The following CHLSN variants were observed in gnomAD, a reference collection of about 807,000 sequenced individuals.
CHLSN encodes protein cholesin.
chr7:1,092,197 A>G, the CHLSN span: 1 of 1,613,164 alleles, frequency 6.2e-7, no homozygotes, highest in Admixed American at 1.7e-5. Flanking sequence ...CGACCGCTAC[A>G]TCGCCCTGGC....
the CHLSN span, chr7:1,058,001 G>A: frequency 7.4e-5 from 57 of 770,070 alleles, no homozygotes; most frequent in East Asian, 5.8e-4. Flanking sequence ...GCTTCTCCTC[G>A]CTGCTCTTCT....
At chr7:1,115,874 G>A in the CHLSN span, among the ~76,000 whole-genome samples, 2 of 102,658 alleles carry the variant, frequency 1.9e-5, no homozygotes, top group African/African-American at 3.8e-5. Context: ...CATCACTACA[G>A]CTCTAGGACC....
the CHLSN span, among the ~76,000 whole-genome samples, chr7:1,094,332 G>A: frequency 1.3e-5 from 2 of 152,246 alleles, no homozygotes; most frequent in African/African-American, 2.4e-5. Context: ...ACAGAAACCT[G>A]CGCAGGGCGT....
chr7:1,077,241 C>T, the CHLSN span, among the ~76,000 whole-genome samples: 9 of 152,174 alleles, frequency 5.9e-5, no homozygotes, highest in South Asian at 1.2e-3. Flanking sequence ...CCGCAAGCTC[C>T]GCCTCCCGGG....
chr7:1,094,133 C>T, the CHLSN span, among the ~76,000 whole-genome samples: 1 of 152,246 alleles, frequency 6.6e-6, no homozygotes, highest in Non-Finnish European at 1.5e-5. Context: ...CGGCCGCGTG[C>T]GAGGCCCAAG....
the CHLSN span, chr7:1,000,638 C>T: frequency 1.8e-6 from 2 of 1,093,916 alleles, no homozygotes; most frequent in Admixed American, 2.1e-5. Flanking sequence ...GACGCCTCAT[C>T]TTAGGAGAGG....
At chr7:1,025,047 T>C in the CHLSN span, 1 of 152,058 alleles carries the variant, frequency 6.6e-6, no homozygotes, top group African/African-American at 2.4e-5. Context: ...ATGCGGCAAA[T>C]GCGCCCCCTT....
At chr7:1,041,337 G>C in the CHLSN span, among the ~76,000 whole-genome samples, 2,166 of 48,092 alleles carry the variant, frequency 0.045, 210 homozygotes, top group African/African-American at 0.1. Context: ...GGGGCCTGGG[G>C]TCCGCGCTGC....
the CHLSN span, among the ~76,000 whole-genome samples, chr7:978,999 G>A: frequency 1.8e-4 from 28 of 152,256 alleles, no homozygotes; most frequent in Middle Eastern, 3.4e-3. Context: ...CCTCCACATG[G>A]GCCCCTCTAC....
chr7:1,051,290 T>G, the CHLSN span, among the ~76,000 whole-genome samples: 1 of 152,244 alleles, frequency 6.6e-6, no homozygotes, highest in Admixed American at 6.5e-5. Flanking sequence ...GTCTCAGCTC[T>G]CTAGGGTGCA....
the CHLSN span, among the ~76,000 whole-genome samples, chr7:1,016,489 AGCAGCGCACAGCAGCAC>A: frequency 7.3e-6 from 1 of 136,738 alleles, no homozygotes; most frequent in East Asian, 2.3e-4. Context: ...AGCAGCACAC[AGCAGCGCACAGCAGCAC>A]AGCAGCGCAC....
the CHLSN span, chr7:1,021,406 G>A: frequency 4.1e-6 from 4 of 985,358 alleles, no homozygotes; most frequent in African/African-American, 3.5e-5. Flanking sequence ...AACCAGAGTC[G>A]GAAGCTGAAG....
the CHLSN span, among the ~76,000 whole-genome samples, chr7:1,070,825 A>ACACATGCG: frequency 6.8e-6 from 1 of 147,318 alleles, no homozygotes; most frequent in Admixed American, 6.7e-5. Flanking sequence ...CCACACGTGC[A>ACACATGCG]CACATATACA....
the CHLSN span, among the ~76,000 whole-genome samples, chr7:1,097,418 G>C: frequency 6.6e-6 from 1 of 152,184 alleles, no homozygotes; most frequent in East Asian, 1.9e-4. This position sits in a 1 kb window ranked among gnomAD's most constrained non-coding sequence, Gnocchi z 4.3. Context: ...AGTAAGAAGA[G>C]ACAATCGTGA....
At chr7:1,044,413 A>G in the CHLSN span, among the ~76,000 whole-genome samples, 13 of 152,156 alleles carry the variant, frequency 8.5e-5, no homozygotes, top group Non-Finnish European at 1.9e-4. Context: ...ACCGCCCCCC[A>G]ACCTCACTGG....
chr7:1,095,175 G>A, the CHLSN span, among the ~76,000 whole-genome samples: 7 of 152,100 alleles, frequency 4.6e-5, no homozygotes, highest in East Asian at 1.9e-4. Context: ...ACTGACATCC[G>A]TGCTCTGGAG....
chr7:1,016,430 C>A, the CHLSN span, among the ~76,000 whole-genome samples: 1 of 133,554 alleles, frequency 7.5e-6, no homozygotes, highest in Admixed American at 7.5e-5. Flanking sequence ...CGCCAGCACA[C>A]AGCAGCGCAC....
the CHLSN span, among the ~76,000 whole-genome samples, chr7:1,133,410 A>C: frequency 3.4e-5 from 5 of 148,208 alleles, no homozygotes; most frequent in East Asian, 9.5e-4. Context: ...AAAAAAAAAA[A>C]AAACTATAAT....
chr7:1,133,392 CAAAAAAAAAA>C, the CHLSN span, among the ~76,000 whole-genome samples: 2 of 91,098 alleles, frequency 2.2e-5, no homozygotes, highest in African/African-American at 8.0e-5. Flanking sequence ...CGATATACTG[CAAAAAAAAAA>C]AAAAAAAAAA....
Sources: allele counts gnomAD v4.1 joint callset (sites outside exome capture counted in the v4.1 genomes callset), GRCh38; gene constraint gnomAD v4.1.1; non-coding constraint Gnocchi (gnomAD v3.1); transcripts MANE v1.5; gene names NCBI Gene and HGNC (gene_info 2026-07-23, HGNC 2026-07-21).